Variants in THSD7B observed in about 807,000 individuals in gnomAD.
THSD7B encodes thrombospondin type 1 domain containing 7B.
A neutral mutation model predicts 213.6 loss-of-function variants in THSD7B; 138 were observed. The observed-to-expected ratio is 0.65, with a 90% CI of 0.56 to 0.74. The LOEUF is 0.74. Among genes scored for constraint, THSD7B ranks in the 30% least tolerant of loss-of-function variants. THSD7B has a pLI of 0.00. For synonymous variants in THSD7B, 742 were observed against 687.0 expected, an observed-to-expected ratio of 1.08 and a Z score of -1.25; for missense variants, 1,931 against 1,991.5, an observed-to-expected ratio of 0.97 and a Z score of 0.58.
chr2:136,776,049 A>G (rs1681597004), intron 1 of THSD7B, among the ~76,000 whole-genome samples: 1 of 152,278 alleles, frequency 6.6e-6, no homozygotes, highest in Admixed American at 6.5e-5. Context: ...CAAGGTGCAC[A>G]ATGATATCCA....
At chr2:137,271,424 T>TC (rs1267081623) in intron 10 of THSD7B, among the ~76,000 whole-genome samples, 43 of 135,848 alleles carry the variant, frequency 3.2e-4, no homozygotes, top group African/African-American at 7.2e-4. Context: ...AATATATAAT[T>TC]ATATAATATA....
At chr2:137,314,344 GT>G (rs1684022150) in intron 12 of THSD7B, among the ~76,000 whole-genome samples, 1 of 152,114 alleles carries the variant, frequency 6.6e-6, no homozygotes, top group Non-Finnish European at 1.5e-5. Flanking sequence ...TTGAGCCTTG[GT>G]TTTCAGCTCC....
At chr2:136,965,010 C>CAAA (rs70975732) in intron 2 of THSD7B, among the ~76,000 whole-genome samples, 13 of 118,056 alleles carry the variant, frequency 1.1e-4, no homozygotes, top group Admixed American at 3.6e-4. Context: ...GACCCTGTCT[C>CAAA]AAAAAAAAAA....
chr2:137,515,962 C>A (rs1383027797), intron 15 of THSD7B, among the ~76,000 whole-genome samples: 1 of 152,160 alleles, frequency 6.6e-6, no homozygotes, highest in African/African-American at 2.4e-5. Context: ...TTTGAGGAGG[C>A]CTGTAATTGC....
intron 15 of THSD7B, among the ~76,000 whole-genome samples, chr2:137,451,825 T>A (rs1210109679): frequency 1.3e-5 from 2 of 152,208 alleles, no homozygotes; most frequent in East Asian, 3.9e-4. Context: ...GATTAAAAGT[T>A]TTTTTTATTT....
At chr2:137,105,050 A>C (rs1306585932) in intron 4 of THSD7B, among the ~76,000 whole-genome samples, 1 of 152,124 alleles carries the variant, frequency 6.6e-6, no homozygotes, top group African/African-American at 2.4e-5. Flanking sequence ...CCTCCCTAAC[A>C]CATTTTATGA....
At chr2:137,047,006 G>A (rs1686983235) in intron 2 of THSD7B, among the ~76,000 whole-genome samples, 1 of 152,188 alleles carries the variant, frequency 6.6e-6, no homozygotes. Flanking sequence ...ATATACAGAT[G>A]ACATGCTGCA....
chr2:137,446,022 G>GA (rs56951522), intron 14 of THSD7B, among the ~76,000 whole-genome samples: 20,938 of 144,464 alleles, frequency 0.14, 2,245 homozygotes, highest in African/African-American at 0.31. Context: ...GTTTAGTATT[G>GA]AAAAAAAAAA....
intron 15 of THSD7B, among the ~76,000 whole-genome samples, chr2:137,497,932 C>T (rs1449315152): frequency 2.6e-5 from 4 of 152,080 alleles, no homozygotes; most frequent in Admixed American, 6.6e-5. Flanking sequence ...TAAAATGAAG[C>T]GAAGTGTAAC....
At chr2:137,134,190 G>A (rs1455149805) in intron 5 of THSD7B, among the ~76,000 whole-genome samples, 1 of 152,192 alleles carries the variant, frequency 6.6e-6, no homozygotes, top group African/African-American at 2.4e-5. Context: ...GGTAACTTGT[G>A]TGAAGTCACA....
chr2:137,374,366 A>G (rs1685603969), intron 12 of THSD7B, among the ~76,000 whole-genome samples: 1 of 152,062 alleles, frequency 6.6e-6, no homozygotes, highest in Admixed American at 6.6e-5. Flanking sequence ...TTGTTCATTG[A>G]TTTACAGCTT....
chr2:137,513,812 G>A (rs1013501617), intron 15 of THSD7B, among the ~76,000 whole-genome samples: 2 of 152,174 alleles, frequency 1.3e-5, no homozygotes, highest in African/African-American at 4.8e-5. Context: ...AGTGGAAGCT[G>A]GGAATCTCTA....
At chr2:137,109,137 C>T (rs1026010155) in intron 4 of THSD7B, among the ~76,000 whole-genome samples, 1 of 152,170 alleles carries the variant, frequency 6.6e-6, no homozygotes, top group African/African-American at 2.4e-5. Context: ...ATCCTTTCTC[C>T]TAGACTGGCA....
intron 20 of THSD7B, 124 bp from the exon 21 acceptor site, chr2:137,642,364 G>A (rs1290879719): frequency 8.3e-7 from 1 of 1,201,120 alleles, no homozygotes; most frequent in Admixed American, 2.5e-5. Context: ...AAAACTAAAA[G>A]TGAGATAGGA....
intron 16 of THSD7B, among the ~76,000 whole-genome samples, chr2:137,572,116 T>A (rs1243868572): frequency 6.6e-6 from 1 of 152,214 alleles, no homozygotes; most frequent in African/African-American, 2.4e-5. Context: ...ATTGCAGGTC[T>A]CTTGAAATAT....
chr2:137,309,913 A>G (rs1683852505), intron 12 of THSD7B, among the ~76,000 whole-genome samples: 1 of 151,998 alleles, frequency 6.6e-6, no homozygotes, highest in Non-Finnish European at 1.5e-5. Context: ...TCATTGTTGG[A>G]CATTTGGGTT....
intron 4 of THSD7B, among the ~76,000 whole-genome samples, chr2:137,099,911 T>C (rs1373954432): frequency 6.6e-6 from 1 of 152,174 alleles, no homozygotes; most frequent in Non-Finnish European, 1.5e-5. Flanking sequence ...GTTTCTGGTA[T>C]GTATTAATTT....
At chr2:137,488,508 G>T (rs1308128939) in intron 15 of THSD7B, among the ~76,000 whole-genome samples, 1 of 152,054 alleles carries the variant, frequency 6.6e-6, no homozygotes, top group Non-Finnish European at 1.5e-5. Context: ...TTTATCAACT[G>T]CTTACAATAC....
chr2:137,515,841 T>C (rs1451151048), intron 15 of THSD7B, among the ~76,000 whole-genome samples: 1 of 152,184 alleles, frequency 6.6e-6, no homozygotes, highest in South Asian at 2.1e-4. Flanking sequence ...GAGATTGAGA[T>C]GGTAGAGTGG....
Sources: allele counts gnomAD v4.1 joint callset (sites outside exome capture counted in the v4.1 genomes callset), GRCh38; gene constraint gnomAD v4.1.1; transcripts MANE v1.5; gene names NCBI Gene and HGNC (gene_info 2026-07-23, HGNC 2026-07-21).